ULK4: variants seen among roughly 807,000 people sequenced by gnomAD.
ULK4 encodes the protein unc-51 like kinase 4.
A neutral mutation model predicts 160.6 loss-of-function variants in ULK4; 133 were observed. That is an observed-to-expected ratio of 0.83 (90% CI 0.72 to 0.96). The LOEUF (loss-of-function observed/expected upper bound fraction) is 0.96. ULK4 is among the 40% of genes least tolerant of loss of function. ULK4 has a pLI of 0.00. For missense variants in ULK4, 1,580 were observed against 1,499.5 expected (o/e 1.05, Z -0.89); for synonymous variants, 534 against 539.8 (o/e 0.99, Z 0.15).
chr3:41,882,605 C>T (rs1697563017), intron 17 of ULK4, among the ~76,000 whole-genome samples: 1 of 152,190 alleles, frequency 6.6e-6, no homozygotes, highest in South Asian at 2.1e-4. Context: ...CTAAAGTATC[C>T]ATCCTACTTA....
intron 35 of ULK4, among the ~76,000 whole-genome samples, chr3:41,395,006 A>G (rs566235683): frequency 3.3e-5 from 5 of 152,144 alleles, no homozygotes; most frequent in Non-Finnish European, 7.4e-5. Context: ...GGGACTGTCC[A>G]GGCTATTTCT....
intron 27 of ULK4, among the ~76,000 whole-genome samples, chr3:41,689,871 A>AAGTC (rs1357816487): frequency 6.7e-6 from 1 of 150,166 alleles, no homozygotes; most frequent in African/African-American, 2.5e-5. Flanking sequence ...ACCATTGTGG[A>AAGTC]AGTCAGTGTG....
intron 34 of ULK4, among the ~76,000 whole-genome samples, chr3:41,417,864 ACTGT>A (rs2082564161): frequency 6.6e-6 from 1 of 152,202 alleles, no homozygotes; most frequent in Middle Eastern, 3.2e-3. Flanking sequence ...ACTCTGGTAT[ACTGT>A]CTATTTAAGT....
intron 32 of ULK4, among the ~76,000 whole-genome samples, chr3:41,492,523 C>T (rs1231305792): frequency 4.0e-5 from 6 of 148,436 alleles, no homozygotes; most frequent in South Asian, 2.2e-4. Context: ...CATCAACTAA[C>T]AAGCAAAATA....
chr3:41,409,134 T>C lies in ULK4; in HGVS notation c.3493-10870A>G, dbSNP rs1586453. On this transcript the variant is annotated intron_variant, in intron 34 of 36. Coordinates refer to ENST00000301831, the MANE Select transcript of ULK4 (RefSeq NM_017886.4). Reference sequence around the variant, plus strand: ...AGCCAGACACGGGAGCACACACTTATAGTCCCAACTACTCAGGAGGCTGAC... The same window carrying C: ...AGCCAGACACGGGAGCACACACTTACAGTCCCAACTACTCAGGAGGCTGAC... 3.5e-3 allele frequency among the ~76,000 whole-genome samples: 530 copies of C among 152,172 alleles called. 14 individuals are homozygous for C. The East Asian group carries it at 0.072, about 21-fold the overall frequency.
intron 21 of ULK4, among the ~76,000 whole-genome samples, chr3:41,782,272 A>G (rs983751911): frequency 2.6e-5 from 4 of 152,060 alleles, no homozygotes; most frequent in African/African-American, 9.7e-5. Context: ...AGAAACAGAA[A>G]TATTTTCCAG....
intron 35 of ULK4, among the ~76,000 whole-genome samples, chr3:41,295,912 C>T (rs1201089726): frequency 6.6e-6 from 1 of 152,194 alleles, no homozygotes; most frequent in Admixed American, 6.5e-5. Flanking sequence ...GGTATTTACT[C>T]AAAGTGAAAA....
intron 29 of ULK4, among the ~76,000 whole-genome samples, chr3:41,672,718 T>G (rs577196033): frequency 6.6e-6 from 1 of 152,168 alleles, no homozygotes; most frequent in Non-Finnish European, 1.5e-5. Context: ...TACTGACACA[T>G]AGAAATGCTA....
chr3:41,266,862 C>T (rs939100074), intron 35 of ULK4, among the ~76,000 whole-genome samples: 4 of 151,932 alleles, frequency 2.6e-5, no homozygotes, highest in African/African-American at 9.7e-5. Flanking sequence ...TTCCATGGTC[C>T]CTTAAAACCA....
chr3:41,297,144 G>C (rs2079685072), intron 35 of ULK4, among the ~76,000 whole-genome samples: 1 of 152,136 alleles, frequency 6.6e-6, no homozygotes, highest in African/African-American at 2.4e-5. Context: ...CATCTTTGAG[G>C]GGCCCAATTT....
chr3:41,804,391 C>T (rs1425964551), intron 19 of ULK4, among the ~76,000 whole-genome samples: 2 of 152,002 alleles, frequency 1.3e-5, no homozygotes, highest in African/African-American at 4.8e-5. Context: ...AGCCCTTTGT[C>T]GGATGAGTAG....
rs545822899 is a variant in ULK4, at chr3:41,311,554, T to C, written c.3679-61980A>G. ...GGGACCTTGTAATTGTGTGAGTTAA[T>C]ACTTAATAAACTCCTTTTTATTTTT... On this transcript the variant is annotated intron_variant, in intron 35 of 36. Transcript: ENST00000301831. 2.0e-5 allele frequency among the ~76,000 whole-genome samples: 3 copies of C among 152,204 alleles called. No individual in the cohort carries two copies. The South Asian group carries it at 6.2e-4, about 32-fold the overall frequency.
intron 32 of ULK4, among the ~76,000 whole-genome samples, chr3:41,467,567 G>A (rs915307453): frequency 1.3e-5 from 2 of 152,072 alleles, no homozygotes; most frequent in Non-Finnish European, 2.9e-5. Context: ...TAGCCCAGGT[G>A]TCCATCAACA....
chr3:41,918,595 C>CTTTTT (rs36064862), intron 6 of ULK4, 55 bp from the exon 7 acceptor site: 22 of 226,778 alleles, frequency 9.7e-5, no homozygotes, highest in African/African-American at 4.9e-4. Flanking sequence ...ACCAATAATT[C>CTTTTT]TTTTTTTTTT....
intron 17 of ULK4, among the ~76,000 whole-genome samples, chr3:41,866,251 T>C (rs1219341515): frequency 2.0e-5 from 3 of 152,232 alleles, no homozygotes; most frequent in Admixed American, 6.5e-5. Context: ...GTTCATGCTG[T>C]GTTGCTTGTC....
chr3:41,633,251 A>G (rs529742597), intron 30 of ULK4, among the ~76,000 whole-genome samples: 34 of 152,344 alleles, frequency 2.2e-4, no homozygotes, highest in Non-Finnish European at 4.1e-4. Context: ...TGCATAGTCC[A>G]TAAGCCAAGA....
intron 32 of ULK4, among the ~76,000 whole-genome samples, chr3:41,564,758 C>G (rs2087729665): frequency 6.6e-6 from 1 of 151,914 alleles, no homozygotes; most frequent in Non-Finnish European, 1.5e-5. Context: ...TGCACCCGGC[C>G]ATAAAAGTAT....
chr3:41,772,802 A>T (rs1240679952), intron 21 of ULK4, among the ~76,000 whole-genome samples: 1 of 152,206 alleles, frequency 6.6e-6, no homozygotes, highest in African/African-American at 2.4e-5. Flanking sequence ...CCTGATGAAC[A>T]CTGATGCAAA....
chr3:41,846,084 T>A (rs1453495987), intron 17 of ULK4, among the ~76,000 whole-genome samples: 1 of 152,226 alleles, frequency 6.6e-6, no homozygotes, highest in Non-Finnish European at 1.5e-5. Flanking sequence ...GAACTCAATG[T>A]CTTGTAAATA....
Sources: allele counts gnomAD v4.1 joint callset (sites outside exome capture counted in the v4.1 genomes callset), GRCh38; gene constraint gnomAD v4.1.1; transcripts MANE v1.5; gene names NCBI Gene and HGNC (gene_info 2026-07-23, HGNC 2026-07-21).